Variants in ZNF831 observed in about 807,000 individuals in gnomAD.
ZNF831 encodes the protein zinc finger protein 831.
In ZNF831, 59 loss-of-function variants were observed where a neutral mutation model predicts 95.8. The observed-to-expected ratio is 0.62, with a 90% CI of 0.50 to 0.77. The LOEUF is 0.77. ZNF831 is among the 30% of genes least tolerant of loss of function. The pLI is 0.00. For missense variants in ZNF831, 2,205 were observed against 2,164.0 expected (o/e 1.02, Z -0.38); for synonymous variants, 961 against 925.5 (o/e 1.04, Z -0.70).
rs549185940 is a variant in ZNF831, at chr20:59,129,995, C to T, written c.-1425+6490C>T. Among the ~76,000 whole-genome samples the T allele has an allele frequency of 1.8e-4, 28 of 152,312 alleles. 1 individual carries two copies. Among genetic ancestry groups the T allele is most frequent in the South Asian group, 8.3e-4 (4 of 4,824 alleles). ...TGCAGACTTCAGGATTCCTGATGGA[C>T]GTTGGACCAGAGCCAGCAGCCCTTG... On this transcript the variant is annotated intron_variant, in intron 1 of 7. Transcript: ENST00000637017.
chr20:59,218,081 G>C (rs140010080), intron 4 of ZNF831, among the ~76,000 whole-genome samples: 36 of 152,354 alleles, frequency 2.4e-4, no homozygotes, highest in African/African-American at 8.2e-4. Context: ...GGCCTCCCAG[G>C]AGCCTGAGAG....
rs1057316059 is a variant in ZNF831 at position 59,208,072 on chromosome 20, T to A, written c.4027+1016T>A. On this transcript the variant is annotated intron_variant, in intron 4 of 5. Coordinates refer to ENST00000371030, the MANE Select transcript of ZNF831 (RefSeq NM_178457.3). The surrounding 1 kb of genome is among the most constrained non-coding windows in gnomAD (Gnocchi z 4.2). ...AGAGAATTTAAATCCAGGCAAGAAT[T>A]CATCTTACAGTTGGGGCCAGTTGTT... is the stretch of plus-strand genomic sequence containing the variant. Among the ~76,000 whole-genome samples, 2 of 152,254 alleles carry A rather than the reference T, an allele frequency of 1.3e-5. No individual in the cohort carries two copies. Among genetic ancestry groups the A allele is most frequent in the African/African-American group, 4.8e-5 (2 of 41,462 alleles).
At chr20:59,244,224 CA>C (rs570483415) in intron 4 of ZNF831, among the ~76,000 whole-genome samples, 1,535 of 151,530 alleles carry the variant, frequency 0.01, 41 homozygotes, top group Admixed American at 0.057. Context: ...GGCAAAGTTT[CA>C]AAAAAAATAG....
rs751399552 is a variant in ZNF831, at chr20:59,192,270, G to A, written c.1251G>A (p.Ala417=). ...RIAQLISHNQ[A]VVDDAQLDNV... ...CCCAGCTCATCTCCCACAACCAGGC[G>A]GTGGTGGACGATGCCCAGCTGGACA... The change falls in exon 2 of 6, where the codon GCG becomes GCA. Residue 417 remains alanine, a synonymous_variant. Transcript: ENST00000371030. The surrounding 1 kb of genome is among the most constrained non-coding windows in gnomAD (Gnocchi z 5.2). The A allele has an allele frequency of 6.3e-7, 1 of 1,589,924 alleles. No homozygotes were observed. Among genetic ancestry groups the A allele is most frequent in the Admixed American group, 1.8e-5 (1 of 57,028 alleles).
upstream of ZNF831, among the ~76,000 whole-genome samples, chr20:59,161,968 G>A (rs1980898476): frequency 1.3e-5 from 2 of 152,152 alleles, no homozygotes; most frequent in Non-Finnish European, 2.9e-5. Flanking sequence ...TGACTGCTGT[G>A]AGATGGTATC....
chr20:59,202,939 TTTAA>T (rs527782217), intron 3 of ZNF831, among the ~76,000 whole-genome samples: 19 of 152,348 alleles, frequency 1.2e-4, no homozygotes, highest in African/African-American at 4.3e-4. Context: ...ACGCTGCATT[TTTAA>T]TTGTTTTCAG....
Position 59,254,521 on chromosome 20 carries a change from CT to C in ZNF831, c.4813del (p.Cys1605AlafsTer4). The C allele has an allele frequency of 6.2e-7, 1 of 1,614,136 alleles. No homozygotes were observed. The highest frequency in any genetic ancestry group is 8.5e-7 in the Non-Finnish European group (1 of 1,180,048). ...ATGGGTGTGGGGAAATGACTGTCCC[CT>C]GCCCCTCTTTAGGAAGTGACGGTAG... ...QYGCGEMTVP[C>X]PSLGSDGRKR... On this transcript the variant is annotated frameshift_variant, in exon 6 of 6. Transcript: ENST00000371030. LOFTEE classifies it low-confidence loss of function (END_TRUNC). The surrounding 1 kb of genome is among the most constrained non-coding windows in gnomAD (Gnocchi z 4.5).
chr20:59,257,600 GT>G lies in ZNF831; in HGVS notation c.*2861del, dbSNP rs1284229968. 2 of 152,166 alleles carry G rather than the reference GT, an allele frequency of 1.3e-5. No homozygotes were observed. Among genetic ancestry groups the G allele is most frequent in the Non-Finnish European group, 2.9e-5 (2 of 68,032 alleles). The allele number at this position is 152,166 out of a possible 1,614,324, so 9.4% of individuals were successfully genotyped here. A position where few individuals can be genotyped will look rare whatever the true frequency, so the allele number is the denominator to read the frequency against. Reference sequence around the variant, plus strand: ...GTATTATCAATTGATAACTACCACAGTTTTATACTCTGCAAGTGTGTACTGC... The same window carrying G: ...GTATTATCAATTGATAACTACCACAGTTTATACTCTGCAAGTGTGTACTGC... On this transcript the variant is annotated 3_prime_UTR_variant, in exon 6 of 6. Transcript: ENST00000371030.
chr20:59,177,745 C>T (rs1423303499), intron 1 of ZNF831, among the ~76,000 whole-genome samples: 1 of 152,202 alleles, frequency 6.6e-6, no homozygotes. Flanking sequence ...CTCCTGGGAG[C>T]TCATCTGGGC....
At position 59,201,825 on chromosome 20, in the gene ZNF831, A is replaced by G. The variant is rs140031879; in HGVS notation, c.3876-5080A>G. ...GTATTCCAAAGAGTGTGGTTTTTGC[A>G]TCAAAATGGATACAAAGATCAATGG... On this transcript the variant is annotated intron_variant, in intron 3 of 5. Transcript: ENST00000371030. 3.4e-3 allele frequency among the ~76,000 whole-genome samples: 518 copies of G among 152,292 alleles called. 2 individuals carry two copies. Among genetic ancestry groups the G allele is most frequent in the Non-Finnish European group, 5.4e-3 (364 of 68,014 alleles).
rs757873876 is a variant in ZNF831, at chr20:59,193,929, T to G, written c.2910T>G (p.Ser970Arg). 3.8e-6 allele frequency: 6 copies of G among 1,592,642 alleles called. No homozygotes were observed. The East Asian group carries it at 1.3e-4, about 36-fold the overall frequency. Residue 970 changes from serine (S) to arginine (R), a missense_variant, in exon 2 of 6, where the codon AGT becomes AGG. Ser to Arg is a moderately radical substitution (Grantham distance 110, BLOSUM62 -1). Coordinates refer to ENST00000371030, the MANE Select transcript of ZNF831 (RefSeq NM_178457.3). Reference sequence around the variant, plus strand: ...ACAGCCAGGACTCTCTCTGCAGCAGTGGGTGGCCTGAAGAACGGGCATCAT... The same window carrying G: ...ACAGCCAGGACTCTCTCTGCAGCAGGGGGTGGCCTGAAGAACGGGCATCAT... Reference protein sequence around the residue: ...PRHSQDSLCSSGWPEERASFV... With the variant: ...PRHSQDSLCSRGWPEERASFV...
intron 1 of ZNF831, among the ~76,000 whole-genome samples, chr20:59,137,494 C>T (rs1157943645): frequency 6.6e-6 from 1 of 152,112 alleles, no homozygotes; most frequent in Non-Finnish European, 1.5e-5. Context: ...GTGGCTCAAA[C>T]TTTATGGGGT....
intron 4 of ZNF831, among the ~76,000 whole-genome samples, chr20:59,210,306 G>A (rs755079151): frequency 2.6e-5 from 4 of 152,220 alleles, no homozygotes; most frequent in Non-Finnish European, 4.4e-5. Context: ...GGGTAGCCTC[G>A]ATGCTGATAG....
chr20:59,171,488 T>C (rs1476400430), intron 1 of ZNF831, among the ~76,000 whole-genome samples: 2 of 152,198 alleles, frequency 1.3e-5, no homozygotes, highest in Admixed American at 6.5e-5. Flanking sequence ...CCTAACAAGA[T>C]ACATCCATGC....
chr20:59,164,312 A>T (rs1981083274), intron 1 of ZNF831, among the ~76,000 whole-genome samples, 105 bp downstream of exon 1: 1 of 152,212 alleles, frequency 6.6e-6, no homozygotes, highest in Non-Finnish European at 1.5e-5. Flanking sequence ...GCACGCAGTT[A>T]AAGGGAAAAT....
At position 59,141,255 on chromosome 20, in the gene ZNF831, GT is replaced by G. The variant is rs566470060; in HGVS notation, c.-1424-4969del. ...TGATTTTTTTTCTTTTATTGATTGTGTTTTTTTGTGTGACATCTAAGAAGTC... is the reference window on the plus strand; with the variant it reads ...TGATTTTTTTTCTTTTATTGATTGTGTTTTTTGTGTGACATCTAAGAAGTC... On this transcript the variant is annotated intron_variant, in intron 1 of 7. Transcript: ENST00000637017. Among the ~76,000 whole-genome samples the G allele has an allele frequency of 1.2e-4, 18 of 152,130 alleles. No individual in the cohort carries two copies. The South Asian group carries it at 2.3e-3, about 19-fold the overall frequency.
At chr20:59,248,804 A>G (rs1987740498) in intron 4 of ZNF831, among the ~76,000 whole-genome samples, 1 of 152,222 alleles carries the variant, frequency 6.6e-6, no homozygotes, top group African/African-American at 2.4e-5. Context: ...ATGAAAACAT[A>G]TCTTGAATCC....
intron 2 of ZNF831, among the ~76,000 whole-genome samples, chr20:59,155,145 CT>C (rs1239458487): frequency 2.0e-5 from 3 of 152,038 alleles, no homozygotes; most frequent in Non-Finnish European, 4.4e-5. Context: ...TCTTTCATAG[CT>C]TTTTTTTCAT....
chr20:59,204,706 G>A lies in ZNF831; in HGVS notation c.3876-2199G>A, dbSNP rs1001008855. 6.1e-4 allele frequency among the ~76,000 whole-genome samples: 93 copies of A among 152,300 alleles called. 1 individual carries two copies. Among genetic ancestry groups the A allele is most frequent in the African/African-American group, 2.1e-3 (88 of 41,560 alleles). On this transcript the variant is annotated intron_variant, in intron 3 of 5. Transcript: ENST00000371030. ...CTGACAAAGGTGGCAAGGGGGTGAC[G>A]AGTGTATCACCCTCACAGCCGGGTG... is the stretch of plus-strand genomic sequence containing the variant.
Sources: allele counts gnomAD v4.1 joint callset (sites outside exome capture counted in the v4.1 genomes callset), GRCh38; gene constraint gnomAD v4.1.1; non-coding constraint Gnocchi (gnomAD v3.1); transcripts MANE v1.5; gene names NCBI Gene and HGNC (gene_info 2026-07-23, HGNC 2026-07-21).